ARHGAP10: variants seen among roughly 807,000 people sequenced by gnomAD.
The protein encoded by ARHGAP10 is rho GTPase-activating protein 10.
Under a neutral mutation model 108.6 loss-of-function variants are expected in ARHGAP10, and 87 were observed. The observed-to-expected ratio is 0.80, with a 90% CI of 0.67 to 0.96. The LOEUF is 0.96. Ranked by LOEUF, ARHGAP10 falls within the 40% of genes least tolerant of loss-of-function variation. The pLI is 0.00. For missense variants in ARHGAP10, 939 were observed against 954.5 expected, an observed-to-expected ratio of 0.98 and a Z score of 0.21; for synonymous variants, 347 against 341.1, an observed-to-expected ratio of 1.02 and a Z score of -0.19.
chr4:147,894,283 C>T (rs1735904503), intron 10 of ARHGAP10, among the ~76,000 whole-genome samples: 1 of 152,094 alleles, frequency 6.6e-6, no homozygotes, highest in African/African-American at 2.4e-5. Flanking sequence ...TTATGTTACT[C>T]TTTTTCATTT....
intron 15 of ARHGAP10, among the ~76,000 whole-genome samples, chr4:147,947,907 A>G (rs1022494992): frequency 6.7e-6 from 1 of 149,346 alleles, no homozygotes; most frequent in Non-Finnish European, 1.5e-5. Flanking sequence ...TCAACATTCC[A>G]TCCTTCTTAA....
chr4:147,857,713 TA>T (rs1367740676), intron 5 of ARHGAP10, 59 bp downstream of exon 5: 3 of 1,303,412 alleles, frequency 2.3e-6, no homozygotes, highest in Non-Finnish European at 3.0e-6. Flanking sequence ...ACATGTCTTT[TA>T]AAAATGTGCT....
rs72953501 is a variant in ARHGAP10 at position 147,773,621 on chromosome 4, A to G, written c.154+41166A>G. Among the ~76,000 whole-genome samples the G allele has an allele frequency of 4.1e-3, 632 of 152,320 alleles. 3 individuals carry two copies. Among genetic ancestry groups the G allele is most frequent in the African/African-American group, 0.015 (607 of 41,570 alleles). Reference sequence around the variant, plus strand: ...TGATTTTCATTGTTGCCATGATGTCATAAGGATTTAAAAACAGTTATCTGT... The same window carrying G: ...TGATTTTCATTGTTGCCATGATGTCGTAAGGATTTAAAAACAGTTATCTGT... On this transcript the variant is annotated intron_variant, in intron 1 of 22. Coordinates refer to ENST00000336498, the MANE Select transcript of ARHGAP10 (RefSeq NM_024605.4).
chr4:147,841,939 C>T (rs1733430932), intron 3 of ARHGAP10, among the ~76,000 whole-genome samples: 2 of 152,036 alleles, frequency 1.3e-5, no homozygotes, highest in South Asian at 4.2e-4. Context: ...TTCTTCCTCC[C>T]ACGTCACCCC....
intron 7 of ARHGAP10, among the ~76,000 whole-genome samples, chr4:147,872,202 G>T (rs984501731): frequency 6.6e-6 from 1 of 151,968 alleles, no homozygotes; most frequent in Non-Finnish European, 1.5e-5. Context: ...AGGCGTCTGC[G>T]GCAGGGATGG....
intron 1 of ARHGAP10, among the ~76,000 whole-genome samples, chr4:147,783,151 T>C (rs1398907329): frequency 1.4e-5 from 2 of 140,014 alleles, no homozygotes; most frequent in African/African-American, 5.0e-5. Flanking sequence ...CACATTAAAT[T>C]ATATATTGTA....
chr4:147,781,678 TTTC>T (rs1238548114), intron 1 of ARHGAP10, among the ~76,000 whole-genome samples: 16 of 142,180 alleles, frequency 1.1e-4, no homozygotes, highest in African/African-American at 4.5e-4. Context: ...TTTCTTTTCT[TTTC>T]TTTTTTTTTT....
intron 15 of ARHGAP10, among the ~76,000 whole-genome samples, chr4:147,949,060 C>T (rs994382369): frequency 1.3e-5 from 2 of 151,930 alleles, no homozygotes; most frequent in Non-Finnish European, 2.9e-5. Context: ...CCTGGGTTGT[C>T]TGGTTGTCCC....
At chr4:147,971,313 C>T (rs543276662) in intron 18 of ARHGAP10, among the ~76,000 whole-genome samples, 2 of 151,922 alleles carry the variant, frequency 1.3e-5, no homozygotes, top group Non-Finnish European at 2.9e-5. Context: ...CATTTTTTCC[C>T]CCAGTGCCTG....
chr4:147,789,420 G>A (rs547715671), intron 1 of ARHGAP10, among the ~76,000 whole-genome samples: 6 of 152,158 alleles, frequency 3.9e-5, no homozygotes, highest in Non-Finnish European at 8.8e-5. Flanking sequence ...CTCCTGGGTA[G>A]CTCGTATTAC....
At chr4:147,906,257 A>G (rs4835110) in intron 10 of ARHGAP10, among the ~76,000 whole-genome samples, 118,185 of 152,180 alleles carry the variant, frequency 0.78, 48,362 homozygotes, top group Non-Finnish European at 0.92. Context: ...AGCACTGTTC[A>G]CAACAGGCAA....
chr4:147,794,670 A>G (rs1731244002), intron 1 of ARHGAP10, among the ~76,000 whole-genome samples: 2 of 152,168 alleles, frequency 1.3e-5, no homozygotes, highest in Admixed American at 1.3e-4. Flanking sequence ...ATGCTATTGC[A>G]TGTAGTTTGG....
chr4:147,976,126 T>C (rs1239466365), intron 18 of ARHGAP10, among the ~76,000 whole-genome samples: 5 of 152,224 alleles, frequency 3.3e-5, no homozygotes, highest in African/African-American at 1.2e-4. Context: ...TCTGTCATTC[T>C]TTAATATATA....
chr4:147,793,597 A>C (rs1731207553), intron 1 of ARHGAP10, among the ~76,000 whole-genome samples: 1 of 152,278 alleles, frequency 6.6e-6, no homozygotes, highest in South Asian at 2.1e-4. Flanking sequence ...GTAGGGAATA[A>C]AAGTACTCAG....
chr4:148,062,425 C>T (rs940590890), intron 20 of ARHGAP10, among the ~76,000 whole-genome samples: 5 of 152,274 alleles, frequency 3.3e-5, no homozygotes, highest in African/African-American at 7.2e-5. Context: ...CTGAATGAAA[C>T]GAGACACTTC....
At chr4:148,046,814 G>A in intron 19 of ARHGAP10, 78 bp from the exon 20 acceptor site, 1 of 1,382,706 alleles carries the variant, frequency 7.2e-7, no homozygotes, top group Non-Finnish European at 1.0e-6. Context: ...GACTAATCAA[G>A]TAACACCATA....
chr4:147,735,267 C>T (rs1167765585), intron 1 of ARHGAP10, among the ~76,000 whole-genome samples: 6 of 152,178 alleles, frequency 3.9e-5, no homozygotes, highest in Non-Finnish European at 5.9e-5. Flanking sequence ...TGAACTCCTT[C>T]CTGCACTGTG....
intron 1 of ARHGAP10, among the ~76,000 whole-genome samples, chr4:147,743,252 C>T (rs1728766657): frequency 6.6e-6 from 1 of 151,902 alleles, no homozygotes; most frequent in South Asian, 2.1e-4. Flanking sequence ...CCAGGATGGT[C>T]TCGAATGCTT....
chr4:147,937,526 G>A (rs555819505), intron 13 of ARHGAP10, among the ~76,000 whole-genome samples: 30 of 152,194 alleles, frequency 2.0e-4, no homozygotes, highest in Non-Finnish European at 3.8e-4. Context: ...AAAAAATAAG[G>A]AATAAAAAGC....
Sources: allele counts gnomAD v4.1 joint callset (sites outside exome capture counted in the v4.1 genomes callset), GRCh38; gene constraint gnomAD v4.1.1; transcripts MANE v1.5; gene names NCBI Gene and HGNC (gene_info 2026-07-23, HGNC 2026-07-21).